Variants in CAMK4 observed in about 807,000 individuals in gnomAD.
CAMK4 encodes calcium/calmodulin-dependent protein kinase type IV.
Under a neutral mutation model 44.9 loss-of-function variants are expected in CAMK4, and 22 were observed. The observed-to-expected ratio is 0.49, with a 90% confidence interval of 0.35 to 0.70. The LOEUF (loss-of-function observed/expected upper bound fraction) is 0.70, where lower values mean the gene tolerates loss of function less well. CAMK4 is among the 30% of genes least tolerant of loss of function. The probability of loss-of-function intolerance (pLI) is 0.01; values close to 1 mark genes in which losing one functional copy is unlikely to be tolerated. For missense variants in CAMK4, 498 were observed against 586.8 expected, an observed-to-expected ratio of 0.85 and a Z score of 1.56; for synonymous variants, 218 against 215.4, an observed-to-expected ratio of 1.01 and a Z score of -0.11.
chr5:111,445,680 G>A (rs887338773), intron 5 of CAMK4, among the ~76,000 whole-genome samples: 1 of 151,964 alleles, frequency 6.6e-6, no homozygotes. Flanking sequence ...CTTCCACCTC[G>A]GCCCACCGAA....
At chr5:111,457,003 G>A (rs1202697511) in intron 7 of CAMK4, among the ~76,000 whole-genome samples, 1 of 152,146 alleles carries the variant, frequency 6.6e-6, no homozygotes, top group Non-Finnish European at 1.5e-5. Context: ...ATCTGTCAGT[G>A]CCACTTTTGT....
chr5:111,478,794 GC>G (rs1451481384), intron 9 of CAMK4, among the ~76,000 whole-genome samples: 1 of 152,186 alleles, frequency 6.6e-6, no homozygotes, highest in Non-Finnish European at 1.5e-5. Context: ...AGAAAGCTGT[GC>G]TGGGTGAATT....
chr5:111,374,979 A>G (rs1244042711), intron 3 of CAMK4, 67 bp downstream of exon 3: 8 of 1,022,480 alleles, frequency 7.8e-6, no homozygotes, highest in Admixed American at 1.9e-5. Context: ...TTTGTCCTTC[A>G]CTGTCAGTGC....
intron 5 of CAMK4, among the ~76,000 whole-genome samples, chr5:111,434,289 C>A (rs1369887894): frequency 1.1e-3 from 53 of 50,000 alleles, no homozygotes; most frequent in African/African-American, 4.1e-3. Context: ...GAGACTCTGT[C>A]TCAAAAAAAA....
chr5:111,230,084 G>A (rs554623600), intron 1 of CAMK4, among the ~76,000 whole-genome samples: 7 of 152,246 alleles, frequency 4.6e-5, no homozygotes, highest in Admixed American at 2.0e-4. Flanking sequence ...TCCTGATGTC[G>A]TAGTGATATT....
intron 1 of CAMK4, among the ~76,000 whole-genome samples, chr5:111,293,252 T>A (rs1168928937): frequency 3.3e-5 from 5 of 152,204 alleles, no homozygotes; most frequent in Non-Finnish European, 5.9e-5. Context: ...CCCAGAGGAC[T>A]AAGAAGCCAA....
intron 1 of CAMK4, among the ~76,000 whole-genome samples, chr5:111,267,505 A>G (rs1052641616): frequency 1.3e-5 from 2 of 151,996 alleles, no homozygotes; most frequent in African/African-American, 4.8e-5. Flanking sequence ...TCACGAGGTC[A>G]GGAGATCGAG....
At chr5:111,287,076 G>T (rs889020567) in intron 1 of CAMK4, among the ~76,000 whole-genome samples, 1 of 152,130 alleles carries the variant, frequency 6.6e-6, no homozygotes, top group Non-Finnish European at 1.5e-5. Flanking sequence ...GGAAATACTA[G>T]TATCTTTTCA....
rs921178644 is a variant in CAMK4 at position 111,494,209 on chromosome 5, G to A, written c.*9743G>A. The A allele has an allele frequency of 6.6e-6, 1 of 152,204 alleles. No homozygotes were observed. The highest frequency in any genetic ancestry group is 2.4e-5 in the African/African-American group (1 of 41,466). 9.4% of individuals were successfully genotyped at this position (152,204 alleles called of 1,614,324 possible). A position where few individuals can be genotyped will look rare whatever the true frequency, so the allele number is the denominator to read the frequency against. ...AGTAGCCAAACACAAGAGCATGTAAGATTTGGAGGACAAAGTATAAATATT... is the reference window on the plus strand; with the variant it reads ...AGTAGCCAAACACAAGAGCATGTAAAATTTGGAGGACAAAGTATAAATATT... On this transcript the variant is annotated 3_prime_UTR_variant, in exon 11 of 11. Coordinates refer to ENST00000282356, the MANE Select transcript of CAMK4 (RefSeq NM_001744.6).
intron 1 of CAMK4, among the ~76,000 whole-genome samples, chr5:111,316,228 A>G (rs770842595): frequency 6.6e-6 from 1 of 152,124 alleles, no homozygotes; most frequent in Non-Finnish European, 1.5e-5. Context: ...GTAACGGGGC[A>G]GGAGATGTCG....
At chr5:111,287,800 G>A (rs1751300225) in intron 1 of CAMK4, among the ~76,000 whole-genome samples, 2 of 152,014 alleles carry the variant, frequency 1.3e-5, no homozygotes, top group South Asian at 4.1e-4. Flanking sequence ...CCTTTTTATT[G>A]CAAAAACCCC....
At chr5:111,265,595 C>CT (rs1561372333) in intron 1 of CAMK4, among the ~76,000 whole-genome samples, 2 of 152,116 alleles carry the variant, frequency 1.3e-5, no homozygotes, top group Admixed American at 1.3e-4. Flanking sequence ...AGATTCAAGG[C>CT]TTTTTATAGC....
At chr5:111,475,522 A>G (rs1561510847) in intron 8 of CAMK4, among the ~76,000 whole-genome samples, 1 of 152,228 alleles carries the variant, frequency 6.6e-6, no homozygotes, top group South Asian at 2.1e-4. Flanking sequence ...AGTTCTAAAA[A>G]TCTGTCCTAT....
intron 1 of CAMK4, among the ~76,000 whole-genome samples, chr5:111,326,508 C>A (rs1304550781): frequency 6.6e-6 from 1 of 151,476 alleles, no homozygotes; most frequent in East Asian, 1.9e-4. Context: ...TTGAATTCTA[C>A]AAAAGCCTTA....
intron 1 of CAMK4, among the ~76,000 whole-genome samples, chr5:111,310,413 A>G (rs1259611490): frequency 6.6e-6 from 1 of 152,210 alleles, no homozygotes; most frequent in Non-Finnish European, 1.5e-5. Context: ...TTCCGGCACT[A>G]ATGACAAAAG....
At chr5:111,280,046 T>C (rs546766340) in intron 1 of CAMK4, among the ~76,000 whole-genome samples, 65 of 152,328 alleles carry the variant, frequency 4.3e-4, no homozygotes, top group African/African-American at 1.5e-3. Flanking sequence ...GTCAATTTCA[T>C]GTGTGTATTA....
intron 1 of CAMK4, among the ~76,000 whole-genome samples, chr5:111,296,865 G>A (rs1173365232): frequency 6.6e-6 from 1 of 152,090 alleles, no homozygotes; most frequent in African/African-American, 2.4e-5. Flanking sequence ...ATTGATTATG[G>A]GTCATTCTGT....
chr5:111,446,706 T>C lies in CAMK4; in HGVS notation c.480T>C (p.Ile160=). 6.3e-7 allele frequency: 1 copy of C among 1,588,840 alleles called. No individual in the cohort carries two copies. Among genetic ancestry groups the C allele is most frequent in the Non-Finnish European group, 8.6e-7 (1 of 1,162,114 alleles). The change falls in exon 6 of 11, where the codon ATT becomes ATC. Residue 160 remains isoleucine, a synonymous_variant. Transcript: ENST00000282356. ...EAVAYLHENG[I]VHRDLKPENL... The stretch of plus-strand genomic sequence containing the variant: ...TTTAGTATCTACATGAAAATGGGAT[T>C]GTCCATCGTGATCTCAAACCAGAGA...
chr5:111,465,718 A>C, intron 7 of CAMK4, among the ~76,000 whole-genome samples: 1 of 152,146 alleles, frequency 6.6e-6, no homozygotes, highest in East Asian at 1.9e-4. Context: ...AATTTTAGAA[A>C]TTGCCAACAA....
Sources: gnomAD v4.1 joint callset for allele counts (sites outside exome capture counted in the v4.1 genomes callset) on GRCh38, gnomAD v4.1.1 for gene constraint, MANE v1.5 for transcripts, NCBI Gene and HGNC (gene_info 2026-07-23, HGNC 2026-07-21) for gene names.